The following TMEM127 variants were observed in gnomAD, a reference collection of about 807,000 sequenced individuals.
TMEM127 encodes transmembrane protein 127.
Under a neutral mutation model 20.1 loss-of-function variants are expected in TMEM127, and 21 were observed. That is an observed-to-expected ratio of 1.04 (90% CI 0.74 to 1.50). The LOEUF is 1.50. Among genes scored for constraint, TMEM127 ranks in the 40% most tolerant of loss-of-function variants. The pLI, the probability that TMEM127 is intolerant of heterozygous loss-of-function variation, is 0.00. For missense variants in TMEM127, 303 were observed against 317.4 expected, an observed-to-expected ratio of 0.95 and a Z score of 0.34; for synonymous variants, 150 against 144.7, an observed-to-expected ratio of 1.04 and a Z score of -0.26.
intron 2 of TMEM127, among the ~76,000 whole-genome samples, chr2:96,256,650 TAAAG>T (rs1156754655): frequency 1.4e-5 from 2 of 143,708 alleles, no homozygotes; most frequent in African/African-American, 2.6e-5. Flanking sequence ...AAAAGTAAAA[TAAAG>T]AAAAGAGGAA....
In TMEM127 at chr2:96,253,419, C is replaced by G; in HGVS notation, c.*389G>C. 1 of 300,192 alleles carries G rather than the reference C, an allele frequency of 3.3e-6. No individual in the cohort carries two copies. The highest frequency in any genetic ancestry group is 6.3e-6 in the Non-Finnish European group (1 of 158,218). 18.6% of individuals were successfully genotyped at this position (300,192 alleles called of 1,614,324 possible). On this transcript the variant is annotated 3_prime_UTR_variant, in exon 4 of 4. Coordinates refer to ENST00000258439, the MANE Select transcript of TMEM127 (RefSeq NM_017849.4). The surrounding 1 kb of genome is among the most constrained non-coding windows in gnomAD (Gnocchi z 4.3). ...ATCCCTGTGAAGTGAGCCTCCAGGG[C>G]ACAGTCCCCTTTCCCTTGGGCCCTT...
chr2:96,265,454 G>T lies in TMEM127; in HGVS notation c.-73C>A. ...GACCTCCGCGGGGCGCGCAGAGCCT[G>T]ACAGTCCGGTGGAGGATAGCAACGC... is the stretch of plus-strand genomic sequence containing the variant. On this transcript the variant is annotated 5_prime_UTR_variant, in exon 2 of 4. Coordinates refer to ENST00000258439, the MANE Select transcript of TMEM127 (RefSeq NM_017849.4). 1 of 1,299,850 alleles carries T rather than the reference G, an allele frequency of 7.7e-7. No homozygotes were observed. The highest frequency in any genetic ancestry group is 2.4e-5 in the South Asian group (1 of 41,170). The allele number at this position is 1,299,850 out of a possible 1,614,324, so 80.5% of individuals were successfully genotyped here. A position where few individuals can be genotyped will look rare whatever the true frequency, so the allele number is the denominator to read the frequency against.
In TMEM127 at chr2:96,249,076, T is replaced by TGTGTGTGTGTGTGTG. The variant is rs1390651390; in HGVS notation, c.*4717_*4731dup. On this transcript the variant is annotated 3_prime_UTR_variant, in exon 4 of 4. Coordinates refer to ENST00000258439, the MANE Select transcript of TMEM127 (RefSeq NM_017849.4). ...TCCCCAAAGCTTATGGTGAGGAACCTGTGTGTGTGTGTGTGGTGTGTGTGT... is the reference window on the plus strand; with the variant it reads ...TCCCCAAAGCTTATGGTGAGGAACCTGTGTGTGTGTGTGTGGTGTGTGTGTGTGTGGTGTGTGTGT... The TGTGTGTGTGTGTGTG allele has an allele frequency of 9.4e-6, 2 of 213,628 alleles. No homozygotes were observed. The highest frequency in any genetic ancestry group is 4.6e-5 in the African/African-American group (2 of 43,294). 13.2% of individuals were successfully genotyped at this position (213,628 alleles called of 1,614,324 possible).
Position 96,255,003 on chromosome 2 carries a change from G to A in TMEM127, c.245-6C>T. On this transcript the variant is annotated splice_polypyrimidine_tract_variant and splice_region_variant and intron_variant, in intron 2 of 3. Transcript: ENST00000258439. ...CTGGGGATTCATGCAGAAATCTGTA[G>A]AGGGAGAACCAAATTTTCACGGCCC... is the stretch of plus-strand genomic sequence containing the variant. The A allele has an allele frequency of 6.2e-7, 1 of 1,614,124 alleles. No homozygotes were observed. The highest frequency in any genetic ancestry group is 2.2e-5 in the East Asian group (1 of 44,884).
intron 1 of TMEM127, among the ~76,000 whole-genome samples, 177 bp downstream of exon 1, chr2:96,265,692 C>T (rs955644176): frequency 1.3e-5 from 2 of 151,360 alleles, no homozygotes; most frequent in African/African-American, 4.9e-5. Flanking sequence ...GCGGAGGGAT[C>T]GGGGATCGGC....
rs1032566635 is a variant in TMEM127, at chr2:96,253,166, C to G, written c.*642G>C. 3.4e-5 allele frequency: 8 copies of G among 233,944 alleles called. No homozygotes were observed. The East Asian group carries it at 4.8e-4, about 14-fold the overall frequency. The allele number at this position is 233,944 out of a possible 1,614,324, so 14.5% of individuals were successfully genotyped here. On this transcript the variant is annotated 3_prime_UTR_variant, in exon 4 of 4. Transcript: ENST00000258439. This position sits in a 1 kb window ranked among gnomAD's most constrained non-coding sequence, Gnocchi z 4.3. ...TCAGTCTCACGCTGGCTCCTGCTCT[C>G]CTTGCCTGGGCTCCAGCCACATGAA...
In TMEM127 at chr2:96,254,093, A is replaced by T; in HGVS notation, c.432T>A (p.Ile144=). The part of the protein sequence containing the change: ...ILTVLQCATV[I]GFSYWASELI... The stretch of plus-strand genomic sequence containing the variant: ...GTTCAGAAGCCCAATAAGAAAAGCC[A>T]ATGACGGTGGCACACTGCAGAACTA... The change falls in exon 4 of 4, where the codon ATT becomes ATA. Residue 144 remains isoleucine, a synonymous_variant. Coordinates refer to ENST00000258439, the MANE Select transcript of TMEM127 (RefSeq NM_017849.4). 1 of 1,614,128 alleles carries T rather than the reference A, an allele frequency of 6.2e-7. No individual in the cohort carries two copies. The highest frequency in any genetic ancestry group is 1.1e-5 in the South Asian group (1 of 91,086).
At chr2:96,263,270 G>A (rs1327372252) in intron 2 of TMEM127, among the ~76,000 whole-genome samples, 1 of 151,696 alleles carries the variant, frequency 6.6e-6, no homozygotes, top group Non-Finnish European at 1.5e-5. Flanking sequence ...TGTTAGCCAA[G>A]CTGGTCTCCA....
In TMEM127 at chr2:96,254,073, G is replaced by A. The variant is rs1684151782; in HGVS notation, c.452C>T (p.Ser151Phe). 1.2e-6 allele frequency: 2 copies of A among 1,614,164 alleles called. No homozygotes were observed. Among genetic ancestry groups the A allele is most frequent in the Non-Finnish European group, 1.7e-6 (2 of 1,180,040 alleles). Residue 151 changes from serine (S) to phenylalanine (F), a missense_variant, in exon 4 of 4, where the codon TCT (serine) becomes TTT (phenylalanine). Physicochemically the swap from Ser to Phe is radical, Grantham distance 155 (BLOSUM62 -2). Transcript: ENST00000258439. Reference sequence around the variant, plus strand: ...CTGCTGCTGGGCCAAGATGAGTTCAGAAGCCCAATAAGAAAAGCCAATGAC... The same window carrying A: ...CTGCTGCTGGGCCAAGATGAGTTCAAAAGCCCAATAAGAAAAGCCAATGAC... ...ATVIGFSYWASELILAQQQQH... is the reference protein window; with the variant it reads ...ATVIGFSYWAFELILAQQQQH...
chr2:96,253,729 G>A lies in TMEM127; in HGVS notation c.*79C>T, dbSNP rs1573968871. ...GGATCCTACCAGTGAGGCCTGCTGG[G>A]GAAAGGAGCTCCTCTGGGTGCGAGA... is the stretch of plus-strand genomic sequence containing the variant. On this transcript the variant is annotated 3_prime_UTR_variant, in exon 4 of 4. Coordinates refer to ENST00000258439, the MANE Select transcript of TMEM127 (RefSeq NM_017849.4). This position sits in a 1 kb window ranked among gnomAD's most constrained non-coding sequence, Gnocchi z 4.3. The A allele has an allele frequency of 3.4e-6, 5 of 1,491,286 alleles. No individual in the cohort carries two copies. Among genetic ancestry groups the A allele is most frequent in the Non-Finnish European group, 4.5e-6 (5 of 1,101,756 alleles). 92.4% of individuals were successfully genotyped at this position (1,491,286 alleles called of 1,614,324 possible).
chr2:96,251,050 C>G lies in TMEM127; in HGVS notation c.*2758G>C, dbSNP rs1249621284. On this transcript the variant is annotated 3_prime_UTR_variant, in exon 4 of 4. Coordinates refer to ENST00000258439, the MANE Select transcript of TMEM127 (RefSeq NM_017849.4). ...CTCCTCTATAGCTCACCAGAGGATG[C>G]AGCCTGAAGAGCTCAGGGTTTGAAG... 4.6e-6 allele frequency: 1 copy of G among 219,272 alleles called. No individual in the cohort carries two copies. Among genetic ancestry groups the G allele is most frequent in the African/African-American group, 2.2e-5 (1 of 44,560 alleles). 13.6% of individuals were successfully genotyped at this position (219,272 alleles called of 1,614,324 possible).
intron 1 of TMEM127, 64 bp from the exon 2 acceptor site, chr2:96,265,576 T>G: frequency 1.6e-6 from 1 of 629,148 alleles, no homozygotes; most frequent in Non-Finnish European, 2.3e-6. Context: ...CGGGGAGGGC[T>G]GCGGGAATTC....
rs377760956 is a variant in TMEM127, at chr2:96,253,862, C to T, written c.663G>A (p.Pro221=). ...LSEMEENEPY[P]AEYEVINQFQ... The stretch of plus-strand genomic sequence containing the variant: ...ACTGGTTGATGACCTCATATTCCGC[C>T]GGGTAGGGCTCGTTCTCTTCCATCT... Residue 221 remains proline, a synonymous_variant, in exon 4 of 4, where the codon CCG becomes CCA. Coordinates refer to ENST00000258439, the MANE Select transcript of TMEM127 (RefSeq NM_017849.4). This position sits in a 1 kb window ranked among gnomAD's most constrained non-coding sequence, Gnocchi z 4.3. 1.2e-5 allele frequency: 20 copies of T among 1,613,952 alleles called. No homozygotes were observed. The highest frequency in any genetic ancestry group is 5.0e-5 in the Admixed American group (3 of 60,012).
chr2:96,264,061 C>A (rs997347553), intron 2 of TMEM127, among the ~76,000 whole-genome samples: 4 of 152,212 alleles, frequency 2.6e-5, no homozygotes, highest in African/African-American at 9.6e-5. Flanking sequence ...AATCACCCTA[C>A]AGCTTCTAAA....
rs1684396954 is a variant in TMEM127, at chr2:96,265,368, C to T, written c.14G>A (p.Gly5Glu). Reference sequence around the variant, plus strand: ...GCGCCCGCCGGGCAGCCCTGCGCCTCCGGGGGCGTACATGCCCGGGGCCGC... The same window carrying T: ...GCGCCCGCCGGGCAGCCCTGCGCCTTCGGGGGCGTACATGCCCGGGGCCGC... MYAP[G>E]GAGLPGGRRR... The change falls in exon 2 of 4, where the codon GGA becomes GAA. Residue 5 changes from glycine (G) to glutamate (E), a missense_variant. Transcript: ENST00000258439. 1 of 1,469,136 alleles carries T rather than the reference C, an allele frequency of 6.8e-7. No individual in the cohort carries two copies. The highest frequency in any genetic ancestry group is 9.0e-7 in the Non-Finnish European group (1 of 1,117,272). 91.0% of individuals were successfully genotyped at this position (1,469,136 alleles called of 1,614,324 possible). A position where few individuals can be genotyped will look rare whatever the true frequency, so the allele number is the denominator to read the frequency against.
At position 96,248,806 on chromosome 2, in the gene TMEM127, C is replaced by T. The variant is rs1286147239; in HGVS notation, c.*5002G>A. ...CCCATTCTCAGACACCTGTACAACC[C>T]CTTAAGCCAGACGGACTCACAGCTG... On this transcript the variant is annotated 3_prime_UTR_variant, in exon 4 of 4. Transcript: ENST00000258439. The T allele has an allele frequency of 1.2e-4, 27 of 232,016 alleles. No homozygotes were observed. In the East Asian group the frequency reaches 1.5e-3, roughly 13 times the overall value. 14.4% of individuals were successfully genotyped at this position (232,016 alleles called of 1,614,324 possible).
chr2:96,257,283 G>A (rs1005827933), intron 2 of TMEM127, among the ~76,000 whole-genome samples: 3 of 151,924 alleles, frequency 2.0e-5, no homozygotes, highest in Non-Finnish European at 1.5e-5. Flanking sequence ...CCAACATGGT[G>A]AAACCCCGTC....
At position 96,265,462 on chromosome 2, in the gene TMEM127, G is replaced by T; in HGVS notation, c.-81C>A. 7.8e-7 allele frequency: 1 copy of T among 1,287,958 alleles called. No individual in the cohort carries two copies. Among genetic ancestry groups the T allele is most frequent in the Non-Finnish European group, 9.8e-7 (1 of 1,023,604 alleles). 79.8% of individuals were successfully genotyped at this position (1,287,958 alleles called of 1,614,324 possible). ...CGGGGCGCGCAGAGCCTGACAGTCC[G>T]GTGGAGGATAGCAACGCTCCGGGTT... On this transcript the variant is annotated 5_prime_UTR_variant, in exon 2 of 4. Coordinates refer to ENST00000258439, the MANE Select transcript of TMEM127 (RefSeq NM_017849.4).
At chr2:96,262,846 T>C (rs1180485876) in intron 2 of TMEM127, among the ~76,000 whole-genome samples, 1 of 151,572 alleles carries the variant, frequency 6.6e-6, no homozygotes, top group Non-Finnish European at 1.5e-5. Flanking sequence ...GCCTGGCTAA[T>C]TTTTGTATTT....
Sources: gnomAD v4.1 joint callset for allele counts (sites outside exome capture counted in the v4.1 genomes callset) on GRCh38, gnomAD v4.1.1 for gene constraint, Gnocchi (gnomAD v3.1) non-coding constraint, MANE v1.5 for transcripts, NCBI Gene and HGNC (gene_info 2026-07-23, HGNC 2026-07-21) for gene names.